The following MCTP2 variants were observed in gnomAD, a reference collection of about 807,000 sequenced individuals.
The protein encoded by MCTP2 is multiple C2 and transmembrane domain containing 2.
Under a neutral mutation model 111.6 loss-of-function variants are expected in MCTP2, and 132 were observed. The ratio of observed to expected loss-of-function variants is 1.18; its 90% CI spans 1.03 to 1.37. The LOEUF is 1.37. Ranked by LOEUF, MCTP2 falls within the 40% of genes most tolerant of loss-of-function variation. MCTP2 has a pLI of 0.00. For missense variants in MCTP2, 1,183 were observed against 1,067.9 expected (o/e 1.11, Z -1.50); for synonymous variants, 395 against 387.7 (o/e 1.02, Z -0.22).
intron 17 of MCTP2, among the ~76,000 whole-genome samples, chr15:94,429,111 T>C (rs1412216287): frequency 6.6e-6 from 1 of 150,400 alleles, no homozygotes; most frequent in Non-Finnish European, 1.5e-5. Flanking sequence ...ACTGCTACCC[T>C]ACCCCCTCTA....
rs566376640 is a variant in MCTP2 at position 94,361,582 on chromosome 15, CTTA to C, written c.1301+2977_1301+2979del. On this transcript the variant is annotated intron_variant, in intron 10 of 22. Transcript: ENST00000357742. ...TTGCGCACTCTGATGGTAGGTATTA[CTTA>C]TTATTAATTTTGAGATTTTTCTGCA... 6.6e-5 allele frequency among the ~76,000 whole-genome samples: 10 copies of C among 152,258 alleles called. No homozygotes were observed. The East Asian group carries it at 1.2e-3, about 18-fold the overall frequency.
intron 17 of MCTP2, among the ~76,000 whole-genome samples, chr15:94,422,411 C>G (rs1329455625): frequency 2.0e-5 from 3 of 152,180 alleles, no homozygotes; most frequent in Non-Finnish European, 4.4e-5. Flanking sequence ...AGTCAAACTT[C>G]AAGCTACATT....
Position 94,256,745 on chromosome 15 carries a change from G to A in MCTP2, c.-66+25081G>A, listed in dbSNP as rs557286779. 1.9e-4 allele frequency among the ~76,000 whole-genome samples: 29 copies of A among 152,264 alleles called. 1 individual carries two copies. In the South Asian group the frequency reaches 5.6e-3, roughly 29 times the overall value. ...ACAGGCAGTGGTTAATGTGAGATACGGTGTATAGTTTTGTATTTCCAGCAA... is the reference window on the plus strand; with the variant it reads ...ACAGGCAGTGGTTAATGTGAGATACAGTGTATAGTTTTGTATTTCCAGCAA... On this transcript the variant is annotated intron_variant, in intron 1 of 22. Transcript: ENST00000357742.
At chr15:94,478,624 A>G (rs2074557358) in intron 22 of MCTP2, among the ~76,000 whole-genome samples, 1 of 152,224 alleles carries the variant, frequency 6.6e-6, no homozygotes, top group South Asian at 2.1e-4. Flanking sequence ...TTGCTGTATC[A>G]TATACTAAGA....
intron 12 of MCTP2, 31 bp downstream of exon 12, chr15:94,370,211 T>A: frequency 6.5e-7 from 1 of 1,546,600 alleles, no homozygotes; most frequent in Non-Finnish European, 8.9e-7. Flanking sequence ...CTAATTTATC[T>A]TTATTTATTT....
intron 19 of MCTP2, among the ~76,000 whole-genome samples, chr15:94,447,868 T>G (rs535578656): frequency 6.6e-6 from 1 of 152,346 alleles, no homozygotes; most frequent in South Asian, 2.1e-4. Context: ...GATATACAAT[T>G]TATACACAGG....
chr15:94,318,515 T>C (rs1485955834), intron 4 of MCTP2, among the ~76,000 whole-genome samples: 2 of 152,084 alleles, frequency 1.3e-5, no homozygotes, highest in East Asian at 3.9e-4. Flanking sequence ...CCTTGTGATC[T>C]GCCCACCTTG....
chr15:94,277,839 CAT>C (rs1317260044), intron 1 of MCTP2, among the ~76,000 whole-genome samples: 2 of 152,090 alleles, frequency 1.3e-5, no homozygotes, highest in African/African-American at 2.4e-5. Flanking sequence ...AGTTGTTAAT[CAT>C]GTGTAAATAT....
chr15:94,332,476 G>A (rs1026598566), intron 4 of MCTP2, among the ~76,000 whole-genome samples: 3 of 152,132 alleles, frequency 2.0e-5, no homozygotes, highest in Admixed American at 6.5e-5. Flanking sequence ...CGTTTTATAT[G>A]TTTCCAAATA....
chr15:94,340,369 A>G, intron 6 of MCTP2, 94 bp downstream of exon 6: 4 of 915,470 alleles, frequency 4.4e-6, no homozygotes, highest in Non-Finnish European at 7.1e-6. Context: ...AATGACAAAA[A>G]TAACATATCT....
intron 1 of MCTP2, among the ~76,000 whole-genome samples, chr15:94,251,198 C>A (rs2072394409): frequency 6.6e-6 from 1 of 152,162 alleles, no homozygotes; most frequent in African/African-American, 2.4e-5. Flanking sequence ...GGGATTTTGA[C>A]CCTGACAAAT....
intron 17 of MCTP2, among the ~76,000 whole-genome samples, chr15:94,422,030 A>G (rs990176721): frequency 1.3e-5 from 2 of 152,198 alleles, no homozygotes; most frequent in African/African-American, 2.4e-5. Flanking sequence ...GTTATGTACT[A>G]TAGACATTTT....
intron 1 of MCTP2, among the ~76,000 whole-genome samples, chr15:94,236,354 T>A (rs2070543260): frequency 6.7e-6 from 1 of 150,268 alleles, no homozygotes; most frequent in Non-Finnish European, 1.5e-5. Context: ...AAGTTGCCTA[T>A]GATTCAATCC....
At chr15:94,292,651 A>G (rs1260931953) in intron 1 of MCTP2, among the ~76,000 whole-genome samples, 1 of 152,246 alleles carries the variant, frequency 6.6e-6, no homozygotes, top group Non-Finnish European at 1.5e-5. Flanking sequence ...ATGTGCTTGT[A>G]TTGGAGACTA....
At chr15:94,370,669 T>A (rs1244936075) in intron 12 of MCTP2, among the ~76,000 whole-genome samples, 1 of 152,244 alleles carries the variant, frequency 6.6e-6, no homozygotes, top group East Asian at 1.9e-4. Context: ...TTATAGGAAG[T>A]TTCTCTTGGT....
In MCTP2 at chr15:94,482,054, T is replaced by G. The variant is rs945488063; in HGVS notation, c.*3020T>G. 33 of 152,370 alleles carry G rather than the reference T, an allele frequency of 2.2e-4. No individual in the cohort carries two copies. Among genetic ancestry groups the G allele is most frequent in the African/African-American group, 7.9e-4 (33 of 41,594 alleles). The allele number at this position is 152,370 out of a possible 1,614,324, so 9.4% of individuals were successfully genotyped here. ...GGAAAATATAATGTTTATTTCTAGG[T>G]GGTAAAACAATCTTCTGGATTCTTT... is the stretch of plus-strand genomic sequence containing the variant. On this transcript the variant is annotated 3_prime_UTR_variant, in exon 23 of 23. Coordinates refer to ENST00000357742, the MANE Select transcript of MCTP2 (RefSeq NM_001385001.1).
At chr15:94,284,341 A>G (rs1446163684) in intron 1 of MCTP2, among the ~76,000 whole-genome samples, 1 of 152,238 alleles carries the variant, frequency 6.6e-6, no homozygotes, top group Non-Finnish European at 1.5e-5. Context: ...ACAGAGAGAG[A>G]AACTGACGTG....
At position 94,379,063 on chromosome 15, in the gene MCTP2, G is replaced by GTT. The variant is rs964287445; in HGVS notation, c.1583-4954_1583-4953dup. On this transcript the variant is annotated intron_variant, in intron 12 of 22. Coordinates refer to ENST00000357742, the MANE Select transcript of MCTP2 (RefSeq NM_001385001.1). ...ACTAGGCCTGAGAAGTTAGTTTTTT[G>GTT]TTTTTTGTTTTTTTTTTTAATGTTT... Among the ~76,000 whole-genome samples the GTT allele has an allele frequency of 3.8e-3, 580 of 150,960 alleles. 8 individuals are homozygous for GTT. The highest frequency in any genetic ancestry group is 0.014 in the African/African-American group (561 of 40,834).
At chr15:94,463,436 C>G (rs1177878942) in intron 20 of MCTP2, among the ~76,000 whole-genome samples, 1 of 151,974 alleles carries the variant, frequency 6.6e-6, no homozygotes, top group African/African-American at 2.4e-5. Context: ...ATTAATTTTT[C>G]TGCTTTGATT....
Sources: gnomAD v4.1 joint callset for allele counts (sites outside exome capture counted in the v4.1 genomes callset) on GRCh38, gnomAD v4.1.1 for gene constraint, MANE v1.5 for transcripts, NCBI Gene and HGNC (gene_info 2026-07-23, HGNC 2026-07-21) for gene names.